The following IL16 variants were observed in gnomAD, a reference collection of about 807,000 sequenced individuals.
IL16 encodes the protein pro-interleukin-16.
A neutral mutation model predicts 110.1 loss-of-function variants in IL16; 67 were observed. That is an observed-to-expected ratio of 0.61 (90% CI 0.50 to 0.75). IL16 has a LOEUF of 0.75. Ranked by LOEUF, IL16 falls within the 30% of genes least tolerant of loss-of-function variation. The pLI is 0.00. For missense variants in IL16, 1,545 were observed against 1,655.0 expected, an observed-to-expected ratio of 0.93 and a Z score of 1.15; for synonymous variants, 689 against 662.9, an observed-to-expected ratio of 1.04 and a Z score of -0.61.
At chr15:81,232,007 A>G (rs566911345) in intron 2 of IL16, among the ~76,000 whole-genome samples, 50 of 100,878 alleles carry the variant, frequency 5.0e-4, no homozygotes, top group African/African-American at 1.6e-3. Flanking sequence ...AAGCTTTATG[A>G]TATTTGGTCA....
intron 16 of IL16, among the ~76,000 whole-genome samples, chr15:81,305,500 T>C (rs1334423453): frequency 1.3e-5 from 2 of 152,186 alleles, no homozygotes; most frequent in Non-Finnish European, 2.9e-5. Context: ...CCTGTCTCTA[T>C]TTTTTAAAAA....
chr15:81,273,501 T>A (rs1332217834), intron 6 of IL16, among the ~76,000 whole-genome samples: 1 of 152,076 alleles, frequency 6.6e-6, no homozygotes, highest in Non-Finnish European at 1.5e-5. Flanking sequence ...TTTCTGACCC[T>A]TCCCTCCTCT....
Position 81,303,221 on chromosome 15 carries a change from C to T in IL16, c.3319-328C>T, listed in dbSNP as rs1449053189. 1.0e-5 allele frequency: 2 copies of T among 200,858 alleles called. No individual in the cohort carries two copies. The highest frequency in any genetic ancestry group is 2.0e-5 in the Non-Finnish European group (2 of 99,256). 12.4% of individuals were successfully genotyped at this position (200,858 alleles called of 1,614,324 possible). A position where few individuals can be genotyped will look rare whatever the true frequency, so the allele number is the denominator to read the frequency against. The stretch of plus-strand genomic sequence containing the variant: ...TTGTTTTGTTTTACCTGAAGTCCTA[C>T]AACCTGACTTCATCTCACACTGTCC... On this transcript the variant is annotated intron_variant, in intron 15 of 18. Coordinates refer to ENST00000683961, the MANE Select transcript of IL16 (RefSeq NM_172217.5). This position sits in a 1 kb window ranked among gnomAD's most constrained non-coding sequence, Gnocchi z 4.1.
At chr15:81,187,888 C>T (rs911280491) in intron 1 of IL16, among the ~76,000 whole-genome samples, 1 of 152,248 alleles carries the variant, frequency 6.6e-6, no homozygotes, top group East Asian at 1.9e-4. Flanking sequence ...TAAAGGGCAA[C>T]AAGGTACGGA....
chr15:81,192,920 G>T (rs1383236723), upstream of IL16, among the ~76,000 whole-genome samples: 3 of 152,092 alleles, frequency 2.0e-5, no homozygotes, highest in Admixed American at 2.0e-4. Context: ...AGAGATGGAG[G>T]GATCAAGATG....
intron 3 of IL16, among the ~76,000 whole-genome samples, chr15:81,264,051 G>A (rs1171528473): frequency 6.6e-6 from 1 of 152,170 alleles, no homozygotes; most frequent in African/African-American, 2.4e-5. Flanking sequence ...AATAGGTTGG[G>A]TGGAGCACTG....
At chr15:81,271,355 C>T (rs1898631151) in intron 5 of IL16, among the ~76,000 whole-genome samples, 1 of 151,990 alleles carries the variant, frequency 6.6e-6, no homozygotes, top group African/African-American at 2.4e-5. Context: ...TGCCTGTAGT[C>T]CCAGCTGCCC....
chr15:81,300,001 C>A lies in IL16; in HGVS notation c.2675C>A (p.Ala892Glu), dbSNP rs756937717. 6 of 1,588,752 alleles carry A rather than the reference C, an allele frequency of 3.8e-6. No homozygotes were observed. Among genetic ancestry groups the A allele is most frequent in the Non-Finnish European group, 5.1e-6 (6 of 1,167,286 alleles). The change falls in exon 14 of 19, where the codon GCA (alanine) becomes GAA (glutamate). Residue 892 changes from alanine to glutamate, a missense_variant. Ala to Glu is a moderately radical substitution (Grantham distance 107). Coordinates refer to ENST00000683961, the MANE Select transcript of IL16 (RefSeq NM_172217.5). ...RFSGLLGRGA[A>E]PTLVPQQPEQ... Reference sequence around the variant, plus strand: ...TCTGGACTCTTGGGGCGAGGGGCTGCACCCACTCTTGTGCCCCAGCAGCCT... The same window carrying A: ...TCTGGACTCTTGGGGCGAGGGGCTGAACCCACTCTTGTGCCCCAGCAGCCT...
rs117867317 is a variant in IL16, at chr15:81,212,256, A to G, written c.-101-13043A>G. Among the ~76,000 whole-genome samples, 349 of 151,702 alleles carry G rather than the reference A, an allele frequency of 2.3e-3. 5 individuals are homozygous for G. Among genetic ancestry groups the G allele is most frequent in the East Asian group, 0.01 (54 of 5,162 alleles). On this transcript the variant is annotated intron_variant, in intron 1 of 18. Transcript: ENST00000683961. Reference sequence around the variant, plus strand: ...ATTGTGTGTTTCCAGGAATTTATCTATTTCCTCCAGATTTTCTAATATGTT... The same window carrying G: ...ATTGTGTGTTTCCAGGAATTTATCTGTTTCCTCCAGATTTTCTAATATGTT...
chr15:81,207,847 T>G (rs1156289665), intron 1 of IL16, among the ~76,000 whole-genome samples: 1 of 127,444 alleles, frequency 7.8e-6, no homozygotes, highest in East Asian at 2.2e-4. Context: ...ATGTGGGTTT[T>G]TTTTTTTTTT....
intron 5 of IL16, among the ~76,000 whole-genome samples, chr15:81,271,729 T>C (rs932824739): frequency 6.6e-6 from 1 of 152,180 alleles, no homozygotes; most frequent in African/African-American, 2.4e-5. Context: ...AAGGGGCTCC[T>C]ACCTCACCTT....
At chr15:81,297,927 T>C (rs1596048452) in intron 13 of IL16, among the ~76,000 whole-genome samples, 1 of 152,194 alleles carries the variant, frequency 6.6e-6, no homozygotes, top group Non-Finnish European at 1.5e-5. Context: ...TGAAAGACTT[T>C]TGGAGGGCTA....
At chr15:81,211,803 G>A (rs1393022096) in intron 1 of IL16, among the ~76,000 whole-genome samples, 2 of 152,046 alleles carry the variant, frequency 1.3e-5, no homozygotes, top group African/African-American at 4.8e-5. Flanking sequence ...CTGTTTATAT[G>A]GTAAATCACA....
In IL16 at chr15:81,313,341, T is replaced by C. The variant is rs1900966367; in HGVS notation, c.*4543T>C. 7 of 1,581,450 alleles carry C rather than the reference T, an allele frequency of 4.4e-6. No individual in the cohort carries two copies. The highest frequency in any genetic ancestry group is 1.4e-5 in the African/African-American group (1 of 73,546). On this transcript the variant is annotated 3_prime_UTR_variant, in exon 19 of 19. Coordinates refer to ENST00000683961, the MANE Select transcript of IL16 (RefSeq NM_172217.5). ...GGGGAAGAAGGAGTCCACCACGTTCTGTGGGAGGTAACCGCTGAGGTCGGT... is the reference window on the plus strand; with the variant it reads ...GGGGAAGAAGGAGTCCACCACGTTCCGTGGGAGGTAACCGCTGAGGTCGGT...
intron 12 of IL16, among the ~76,000 whole-genome samples, chr15:81,294,019 G>C (rs187486077): frequency 6.4e-4 from 98 of 152,306 alleles, no homozygotes; most frequent in African/African-American, 2.3e-3. Context: ...CCCCCATCAC[G>C]GAATGGCCCT....
intron 18 of IL16, 76 bp from the exon 19 acceptor site, chr15:81,308,529 T>C: frequency 9.1e-7 from 1 of 1,099,674 alleles, no homozygotes; most frequent in Non-Finnish European, 1.3e-6. Flanking sequence ...CCTGGCTCTT[T>C]GGAGATCAAG....
At chr15:81,213,937 A>G (rs963312261) in intron 1 of IL16, among the ~76,000 whole-genome samples, 1 of 151,858 alleles carries the variant, frequency 6.6e-6, no homozygotes, top group Non-Finnish European at 1.5e-5. Flanking sequence ...TCCTGTCCTC[A>G]TGTCCTCATA....
At chr15:81,209,382 G>A (rs985244623) in intron 1 of IL16, among the ~76,000 whole-genome samples, 2 of 152,084 alleles carry the variant, frequency 1.3e-5, no homozygotes, top group Non-Finnish European at 1.5e-5. Flanking sequence ...ATATGGGCTC[G>A]CAGGGGCTTG....
At chr15:81,283,934 C>CA (rs1157455829) in intron 9 of IL16, among the ~76,000 whole-genome samples, 4 of 145,392 alleles carry the variant, frequency 2.8e-5, no homozygotes, top group Admixed American at 7.2e-5. Flanking sequence ...GCCAGGGAGG[C>CA]AGAGGTTGCA....
Sources: gnomAD v4.1 joint callset for allele counts (sites outside exome capture counted in the v4.1 genomes callset) on GRCh38, gnomAD v4.1.1 for gene constraint, Gnocchi (gnomAD v3.1) non-coding constraint, MANE v1.5 for transcripts, NCBI Gene and HGNC (gene_info 2026-07-23, HGNC 2026-07-21) for gene names.